LRRC49: variants seen among roughly 807,000 people sequenced by gnomAD.
LRRC49 encodes the protein leucine-rich repeat-containing protein 49.
LRRC49 carries 50 observed loss-of-function variants against 83.3 expected under a neutral mutation model. That is an observed-to-expected ratio of 0.60 (90% confidence interval 0.48 to 0.76). LRRC49 has a LOEUF of 0.76. Among genes scored for constraint, LRRC49 ranks in the 30% least tolerant of loss-of-function variants. The probability of loss-of-function intolerance (pLI) is 0.00; values close to 1 mark genes in which losing one functional copy is unlikely to be tolerated. For synonymous variants in LRRC49, 286 were observed against 283.3 expected, an observed-to-expected ratio of 1.01 and a Z score of -0.10; for missense variants, 704 against 809.1, an observed-to-expected ratio of 0.87 and a Z score of 1.58.
chr15:70,972,804 G>A (rs1012009733), intron 9 of LRRC49, among the ~76,000 whole-genome samples: 5 of 151,888 alleles, frequency 3.3e-5, no homozygotes, highest in African/African-American at 4.8e-5. Flanking sequence ...TACGCTTCAC[G>A]AAATTCTTGT....
chr15:70,869,459 G>A (rs148868296), intron 1 of LRRC49, among the ~76,000 whole-genome samples: 3,553 of 152,216 alleles, frequency 0.023, 83 homozygotes, highest in Middle Eastern at 0.037. Flanking sequence ...GTGATCCAGG[G>A]TGAACCTACT....
chr15:70,891,565 CTCTGTG>C (rs1446452692), upstream of LRRC49, among the ~76,000 whole-genome samples: 7 of 118,954 alleles, frequency 5.9e-5, no homozygotes, highest in Non-Finnish European at 3.6e-5. Context: ...CAGGACAAGA[CTCTGTG>C]TGTGTGTGTG....
intron 9 of LRRC49, among the ~76,000 whole-genome samples, chr15:70,967,737 G>A (rs1220902669): frequency 6.6e-6 from 1 of 152,064 alleles, no homozygotes; most frequent in Non-Finnish European, 1.5e-5. Context: ...TTTGCCCATT[G>A]TAGTATGAAA....
chr15:70,860,108 T>C (rs374145289), intron 1 of LRRC49: 18 of 710,244 alleles, frequency 2.5e-5, no homozygotes, highest in African/African-American at 2.4e-4. Flanking sequence ...TGAAGAAGAT[T>C]GAGACCCGTG....
At chr15:70,950,874 G>T (rs2036191919) in intron 8 of LRRC49, among the ~76,000 whole-genome samples, 1 of 152,076 alleles carries the variant, frequency 6.6e-6, no homozygotes, top group Non-Finnish European at 1.5e-5. Flanking sequence ...TTTTCTCCTA[G>T]GGTTTTTATT....
chr15:70,946,103 T>A (rs960728531), intron 8 of LRRC49, among the ~76,000 whole-genome samples: 1 of 152,184 alleles, frequency 6.6e-6, no homozygotes, highest in Non-Finnish European at 1.5e-5. Flanking sequence ...AATGTCTTAT[T>A]TAAAGATTTT....
chr15:70,898,302 T>A, intron 3 of LRRC49: 1 of 647,246 alleles, frequency 1.5e-6, no homozygotes, highest in South Asian at 1.7e-5. Context: ...AAAATAGATT[T>A]TCAATTAAAT....
intron 2 of LRRC49, among the ~76,000 whole-genome samples, chr15:70,887,332 A>G (rs543346001): frequency 2.0e-5 from 3 of 152,298 alleles, no homozygotes; most frequent in Admixed American, 1.3e-4. Context: ...ACTGTAGAAC[A>G]GTTTCACTCG....
chr15:71,013,847 T>G (rs1329160460), intron 14 of LRRC49, among the ~76,000 whole-genome samples: 1 of 152,184 alleles, frequency 6.6e-6, no homozygotes, highest in Non-Finnish European at 1.5e-5. Flanking sequence ...CTTGCTATGG[T>G]CATGGAGCAC....
At chr15:70,892,987 T>A (rs981101600) in intron 1 of LRRC49, 45 bp downstream of exon 1, 3 of 1,602,786 alleles carry the variant, frequency 1.9e-6, no homozygotes, top group Non-Finnish European at 1.7e-6. Context: ...CTGGTACTCT[T>A]TCTGACTGGC....
intron 11 of LRRC49, among the ~76,000 whole-genome samples, chr15:70,996,171 A>G (rs550922660): frequency 6.6e-6 from 1 of 152,270 alleles, no homozygotes; most frequent in East Asian, 1.9e-4. Flanking sequence ...GAAGGTAGAA[A>G]AATAAAATTT....
At chr15:70,946,018 C>T (rs1352028036) in intron 8 of LRRC49, among the ~76,000 whole-genome samples, 2 of 151,810 alleles carry the variant, frequency 1.3e-5, no homozygotes, top group Non-Finnish European at 2.9e-5. Flanking sequence ...TATATATATA[C>T]ACACATTATA....
chr15:71,004,845 T>C (rs764891709), intron 11 of LRRC49, among the ~76,000 whole-genome samples: 1 of 151,988 alleles, frequency 6.6e-6, no homozygotes, highest in Non-Finnish European at 1.5e-5. Flanking sequence ...AGCTAAATGA[T>C]GAGAACACAG....
chr15:70,949,837 G>A (rs1178910213), intron 8 of LRRC49, among the ~76,000 whole-genome samples: 2 of 151,566 alleles, frequency 1.3e-5, no homozygotes, highest in Non-Finnish European at 2.9e-5. Context: ...TTAAGTTCGG[G>A]GCTACATATG....
chr15:70,882,093 T>C (rs1476455496), intron 2 of LRRC49: 1 of 183,584 alleles, frequency 5.4e-6, no homozygotes, highest in Non-Finnish European at 1.1e-5. Flanking sequence ...AGGGATATTC[T>C]AACTAGCAAA....
chr15:70,885,250 G>C (rs1175734939), intron 2 of LRRC49, among the ~76,000 whole-genome samples: 1 of 152,100 alleles, frequency 6.6e-6, no homozygotes, highest in Non-Finnish European at 1.5e-5. Context: ...TACAGAAAAT[G>C]TCATAACAGA....
intron 7 of LRRC49, among the ~76,000 whole-genome samples, chr15:70,923,857 G>A (rs2035095376): frequency 6.6e-6 from 1 of 151,514 alleles, no homozygotes; most frequent in African/African-American, 2.4e-5. Flanking sequence ...TAAGTTGCTG[G>A]CATAATGCCT....
chr15:71,048,199 C>T (rs2039912658), intron 15 of LRRC49, among the ~76,000 whole-genome samples: 1 of 151,046 alleles, frequency 6.6e-6, no homozygotes, highest in South Asian at 2.1e-4. Flanking sequence ...ACGATTCTCC[C>T]ACCTCAGCCT....
At position 70,886,147 on chromosome 15, in the gene LRRC49, C is replaced by T. The variant is rs546442884; in HGVS notation, c.19-7437C>T. ...TACTAAATAATAAAAATACTGCATA[C>T]CTAAAACTTGTAAGATTCAGTAAAG... On this transcript the variant is annotated intron_variant, in intron 2 of 16. Coordinates refer to the LRRC49 transcript ENST00000544974. Among the ~76,000 whole-genome samples the T allele has an allele frequency of 1.4e-4, 22 of 152,190 alleles. No individual in the cohort carries two copies. The East Asian group carries it at 4.2e-3, about 29-fold the overall frequency.
Sources: gnomAD v4.1 joint callset for allele counts (sites outside exome capture counted in the v4.1 genomes callset) on GRCh38, gnomAD v4.1.1 for gene constraint, MANE v1.5 for transcripts, NCBI Gene and HGNC (gene_info 2026-07-23, HGNC 2026-07-21) for gene names.